HDAC9: variants seen among roughly 807,000 people sequenced by gnomAD.
HDAC9 encodes histone deacetylase 9.
HDAC9 carries 41 observed loss-of-function variants against 139.4 expected under a neutral mutation model. That is an observed-to-expected ratio of 0.29 (90% CI 0.23 to 0.38). The LOEUF (loss-of-function observed/expected upper bound fraction) is 0.38. HDAC9 is among the 10% of genes least tolerant of loss of function. The pLI, the probability that HDAC9 is intolerant of heterozygous loss-of-function variation, is 1.00. For missense variants in HDAC9, 1,147 were observed against 1,297.0 expected, an observed-to-expected ratio of 0.88 and a Z score of 1.78; for synonymous variants, 517 against 476.2, an observed-to-expected ratio of 1.09 and a Z score of -1.12.
At chr7:18,361,026 A>G (rs575286460) in intron 1 of HDAC9, among the ~76,000 whole-genome samples, 35 of 152,192 alleles carry the variant, frequency 2.3e-4, no homozygotes, top group African/African-American at 8.2e-4. Context: ...CTTCCAAAAG[A>G]GCCTAGTTTC....
intron 6 of HDAC9, among the ~76,000 whole-genome samples, chr7:18,597,258 C>A (rs983304216): frequency 6.6e-5 from 10 of 152,152 alleles, no homozygotes; most frequent in Non-Finnish European, 5.9e-5. Flanking sequence ...AAAGGCTTTA[C>A]ATAACTTATT....
chr7:18,252,420 A>C (rs1242330821), intron 2 of HDAC9, among the ~76,000 whole-genome samples: 1 of 152,220 alleles, frequency 6.6e-6, no homozygotes, highest in Admixed American at 6.5e-5. Flanking sequence ...ATAACTGCAA[A>C]AGTATAGCTT....
At chr7:18,507,364 T>C (rs1319733972) in intron 2 of HDAC9, among the ~76,000 whole-genome samples, 1 of 151,484 alleles carries the variant, frequency 6.6e-6, no homozygotes, top group Non-Finnish European at 1.5e-5. Context: ...CTAGTTTTTT[T>C]TTGTATTTTT....
chr7:18,780,477 G>A (rs1791154373), intron 16 of HDAC9, among the ~76,000 whole-genome samples: 1 of 151,920 alleles, frequency 6.6e-6, no homozygotes, highest in South Asian at 2.1e-4. Flanking sequence ...AGAGATCCAG[G>A]GCACTGGGGA....
At chr7:18,479,467 C>T (rs958075532) in intron 1 of HDAC9, among the ~76,000 whole-genome samples, 34 of 152,082 alleles carry the variant, frequency 2.2e-4, no homozygotes, top group Non-Finnish European at 4.1e-4. Context: ...GCCTAATTGT[C>T]GTTGGTCTAT....
At chr7:18,978,912 T>C (rs1357795703) in intron 25 of HDAC9, among the ~76,000 whole-genome samples, 3 of 152,082 alleles carry the variant, frequency 2.0e-5, no homozygotes, top group Non-Finnish European at 4.4e-5. Flanking sequence ...ACATTTGCAC[T>C]CTAGAATGCC....
intron 24 of HDAC9, among the ~76,000 whole-genome samples, chr7:18,970,857 A>G (rs1157202574): frequency 6.6e-6 from 1 of 152,230 alleles, no homozygotes; most frequent in Non-Finnish European, 1.5e-5. Flanking sequence ...AGGCTCCAAA[A>G]TGATGATGGA....
chr7:18,451,368 CGT>C lies in HDAC9; in HGVS notation c.-41-44861_-41-44860del, dbSNP rs71553928. ...ATGGACCAAGACACATGTATATGTGCGTGTGTGTGTGTGTGTGTGTGTGTGTG... is the reference window on the plus strand; with the variant it reads ...ATGGACCAAGACACATGTATATGTGCGTGTGTGTGTGTGTGTGTGTGTGTG... On this transcript the variant is annotated intron_variant, in intron 1 of 3. Coordinates refer to the HDAC9 transcript ENST00000413509. Among the ~76,000 whole-genome samples the C allele has an allele frequency of 9.4e-3, 1,311 of 138,810 alleles. 24 individuals carry two copies. The highest frequency in any genetic ancestry group is 0.03 in the African/African-American group (1,111 of 37,210). 91.1% of individuals were successfully genotyped at this position (138,810 alleles called of 152,430 possible).
intron 1 of HDAC9, among the ~76,000 whole-genome samples, chr7:18,326,233 C>A (rs1438368475): frequency 6.6e-6 from 1 of 151,942 alleles, no homozygotes; most frequent in Non-Finnish European, 1.5e-5. Flanking sequence ...AAGGTTTTGG[C>A]CTTTACTTTC....
chr7:18,983,399 C>T (rs188559036), intron 25 of HDAC9, among the ~76,000 whole-genome samples: 2 of 152,272 alleles, frequency 1.3e-5, no homozygotes, highest in African/African-American at 2.4e-5. Context: ...TGAATGAATG[C>T]TGCTGTGAAC....
At chr7:18,878,241 A>AT (rs1392336321) in intron 22 of HDAC9, among the ~76,000 whole-genome samples, 1 of 151,954 alleles carries the variant, frequency 6.6e-6, no homozygotes, top group East Asian at 1.9e-4. Flanking sequence ...CACAACATAT[A>AT]TTTTTTCTTC....
chr7:18,374,641 G>A (rs62446961), intron 1 of HDAC9, among the ~76,000 whole-genome samples: 2,006 of 151,990 alleles, frequency 0.013, 19 homozygotes, highest in Non-Finnish European at 0.018. Context: ...AAAATCTTAT[G>A]GGACCACTGT....
chr7:18,389,090 G>A (rs967021558), intron 1 of HDAC9, among the ~76,000 whole-genome samples: 3 of 152,186 alleles, frequency 2.0e-5, no homozygotes, highest in African/African-American at 4.8e-5. Context: ...GTAGGCTTTA[G>A]TTTTACTGAA....
intron 12 of HDAC9, among the ~76,000 whole-genome samples, chr7:18,692,606 G>T (rs992331470): frequency 9.2e-5 from 14 of 152,092 alleles, no homozygotes; most frequent in African/African-American, 3.4e-4. Context: ...TAAGTTTGGG[G>T]TTTCTTGTTA....
At chr7:18,252,852 A>T (rs1403480933) in intron 2 of HDAC9, among the ~76,000 whole-genome samples, 1 of 152,114 alleles carries the variant, frequency 6.6e-6, no homozygotes, top group Non-Finnish European at 1.5e-5. Flanking sequence ...TGCTGTACAC[A>T]TTATTTCATC....
chr7:18,105,845 A>G (rs1426288434), intron 1 of HDAC9, among the ~76,000 whole-genome samples: 3 of 152,214 alleles, frequency 2.0e-5, no homozygotes, highest in African/African-American at 4.8e-5. Flanking sequence ...CACCTGGTGA[A>G]TAGATAAACA....
At chr7:18,571,863 T>C (rs1458281280) in intron 2 of HDAC9, among the ~76,000 whole-genome samples, 1 of 152,196 alleles carries the variant, frequency 6.6e-6, no homozygotes, top group Non-Finnish European at 1.5e-5. Context: ...ATGTATGTTG[T>C]TGTCTTAAAC....
intron 2 of HDAC9, among the ~76,000 whole-genome samples, chr7:18,194,564 C>A (rs1442617918): frequency 6.6e-6 from 1 of 152,166 alleles, no homozygotes; most frequent in Non-Finnish European, 1.5e-5. Flanking sequence ...CTCTTCGATT[C>A]TTAACAAGAG....
intron 2 of HDAC9, among the ~76,000 whole-genome samples, chr7:18,187,897 G>C (rs928160632): frequency 6.6e-6 from 1 of 152,082 alleles, no homozygotes; most frequent in African/African-American, 2.4e-5. Flanking sequence ...TGTTTCCCAG[G>C]CTTGTCTGAT....
Sources: gnomAD v4.1 joint callset for allele counts (sites outside exome capture counted in the v4.1 genomes callset) on GRCh38, gnomAD v4.1.1 for gene constraint, MANE v1.5 for transcripts, NCBI Gene and HGNC (gene_info 2026-07-23, HGNC 2026-07-21) for gene names.